The following ITGB3 variants were observed in gnomAD, a reference collection of about 807,000 sequenced individuals.
ITGB3 encodes integrin beta-3.
In ITGB3, 48 loss-of-function variants were observed where a neutral mutation model predicts 85.8. That is an observed-to-expected ratio of 0.56 (90% confidence interval 0.44 to 0.71). The LOEUF (loss-of-function observed/expected upper bound fraction) is 0.71. Ranked by LOEUF, ITGB3 falls within the 30% of genes least tolerant of loss-of-function variation. The pLI is 0.00. For synonymous variants in ITGB3, 363 were observed against 395.6 expected (o/e 0.92, Z 0.98); for missense variants, 861 against 1,019.1 (o/e 0.84, Z 2.11).
At chr17:47,301,995 G>T (rs1335140912) in intron 12 of ITGB3, among the ~76,000 whole-genome samples, 2 of 152,106 alleles carry the variant, frequency 1.3e-5, no homozygotes, top group Admixed American at 1.3e-4. Context: ...TCACTCATTT[G>T]CTGTGTGACC....
intron 9 of ITGB3, chr17:47,291,497 C>T (rs2143110543): frequency 2.8e-6 from 1 of 354,128 alleles, no homozygotes; most frequent in Non-Finnish European, 5.1e-6. Flanking sequence ...ACTCCAGTCT[C>T]TCCACGACTT....
chr17:47,255,620 C>T (rs771704658), intron 1 of ITGB3, among the ~76,000 whole-genome samples: 1 of 151,924 alleles, frequency 6.6e-6, no homozygotes, highest in African/African-American at 2.4e-5. Context: ...CGGGATTTCC[C>T]CATGTTGGCC....
At chr17:47,256,482 C>G (rs1038319242) in intron 1 of ITGB3, among the ~76,000 whole-genome samples, 14 of 151,706 alleles carry the variant, frequency 9.2e-5, no homozygotes, top group East Asian at 3.9e-4. Flanking sequence ...TACCCCCCCC[C>G]CCAACCTCAC....
intron 13 of ITGB3, chr17:47,305,569 C>T (rs899423531): frequency 6.6e-6 from 1 of 152,168 alleles, no homozygotes; most frequent in Admixed American, 6.5e-5. Context: ...TCAGCCTGAC[C>T]CCCAGAGGGG....
At chr17:47,284,843 A>G in intron 4 of ITGB3, 148 bp downstream of exon 4, 1 of 1,098,096 alleles carries the variant, frequency 9.1e-7, no homozygotes, top group Non-Finnish European at 1.3e-6. Context: ...CTGTTTGGCA[A>G]ATGGGCTAGC....
Position 47,263,894 on chromosome 17 carries a change from A to G in ITGB3, c.79+9954A>G, listed in dbSNP as rs1303530320. Among the ~76,000 whole-genome samples the G allele has an allele frequency of 2.0e-5, 3 of 152,222 alleles. No individual in the cohort carries two copies. The East Asian group carries it at 5.8e-4, about 29-fold the overall frequency. Reference sequence around the variant, plus strand: ...AGGGAATCCCCTTGCTCAGACAAAAATCCTTCCTGTTTTTCCCTTGTGAAC... The same window carrying G: ...AGGGAATCCCCTTGCTCAGACAAAAGTCCTTCCTGTTTTTCCCTTGTGAAC... On this transcript the variant is annotated intron_variant, in intron 1 of 14. Transcript: ENST00000559488.
intron 13 of ITGB3, among the ~76,000 whole-genome samples, chr17:47,303,287 C>G (rs373357642): frequency 2.0e-4 from 31 of 151,256 alleles, no homozygotes; most frequent in African/African-American, 7.0e-4. Context: ...CAAAAAAAAA[C>G]GATAAGTTAG....
intron 1 of ITGB3, among the ~76,000 whole-genome samples, chr17:47,260,753 C>A (rs548492950): frequency 5.9e-5 from 9 of 151,750 alleles, no homozygotes; most frequent in African/African-American, 2.2e-4. Context: ...CTGCCCTGGG[C>A]AGTTCTTGAA....
At chr17:47,280,016 T>C (rs1408399670) in intron 2 of ITGB3, 2 of 152,246 alleles carry the variant, frequency 1.3e-5, no homozygotes, top group Admixed American at 1.3e-4. Flanking sequence ...CAGCCAGAGC[T>C]GGGTGCACGG....
intron 1 of ITGB3, among the ~76,000 whole-genome samples, chr17:47,256,006 A>C (rs1374249067): frequency 6.6e-6 from 1 of 150,414 alleles, no homozygotes; most frequent in Non-Finnish European, 1.5e-5. Flanking sequence ...TACATAATTA[A>C]AAAAAGGGTA....
Position 47,299,658 on chromosome 17 carries a change from A to G in ITGB3, c.1913+128A>G, listed in dbSNP as rs542904923. ...TTAGGGAGAGGAGTCCACTCCAGCC[A>G]GATGGCTGTCTCTCCTTTTGCCAAA... On this transcript the variant is annotated intron_variant, in intron 11 of 14. Transcript: ENST00000559488. This position sits in a 1 kb window ranked among gnomAD's most constrained non-coding sequence, Gnocchi z 5.1. The G allele has an allele frequency of 6.0e-5, 54 of 892,874 alleles. No individual in the cohort carries two copies. In the African/African-American group the frequency reaches 8.6e-4, roughly 14 times the overall value. 55.3% of individuals were successfully genotyped at this position (892,874 alleles called of 1,614,324 possible). A position where few individuals can be genotyped will look rare whatever the true frequency, so the allele number is the denominator to read the frequency against.
intron 14 of ITGB3, among the ~76,000 whole-genome samples, chr17:47,308,468 G>A (rs1486620447): frequency 6.6e-6 from 1 of 152,050 alleles, no homozygotes; most frequent in Non-Finnish European, 1.5e-5. Context: ...TTAGAACAGT[G>A]TGGAACATCC....
At chr17:47,270,995 A>G (rs1388247537) in intron 1 of ITGB3, among the ~76,000 whole-genome samples, 1 of 152,176 alleles carries the variant, frequency 6.6e-6, no homozygotes, top group Non-Finnish European at 1.5e-5. Context: ...CTATTCCCCT[A>G]CCTTTCATTT....
chr17:47,288,204 GA>G (rs1491190539), intron 6 of ITGB3, among the ~76,000 whole-genome samples: 3 of 125,956 alleles, frequency 2.4e-5, no homozygotes, highest in Non-Finnish European at 3.4e-5. Flanking sequence ...CCTTCTCTTA[GA>G]AAGAGAGAGA....
At chr17:47,281,879 A>G (rs2065084952) in intron 2 of ITGB3, among the ~76,000 whole-genome samples, 2 of 152,244 alleles carry the variant, frequency 1.3e-5, no homozygotes, top group South Asian at 2.1e-4. Flanking sequence ...GGGAGGTACC[A>G]TAATTACTAT....
chr17:47,293,388 GC>G (rs1193878612), intron 10 of ITGB3, among the ~76,000 whole-genome samples: 1 of 152,078 alleles, frequency 6.6e-6, no homozygotes, highest in Non-Finnish European at 1.5e-5. Flanking sequence ...GTCTTTATCC[GC>G]AGACATGTTG....
chr17:47,292,435 C>A lies in ITGB3; in HGVS notation c.1557C>A (p.Pro519=), dbSNP rs371103774. The A allele has an allele frequency of 2.5e-5, 40 of 1,609,518 alleles. No homozygotes were observed. In the Admixed American group the frequency reaches 3.3e-4, roughly 13 times the overall value. The change falls in exon 10 of 15, where the codon CCC becomes CCA. Residue 519 remains proline, a synonymous_variant. Transcript: ENST00000559488. ...AATGCAGCCCCCGGGAGGGTCAGCC[C>A]GTCTGCAGCCAGCGGGGCGAGTGCC... is the stretch of plus-strand genomic sequence containing the variant. The part of the protein sequence containing the change: ...QDECSPREGQ[P]VCSQRGECLC...
At position 47,253,918 on chromosome 17, in the gene ITGB3, G is replaced by A; in HGVS notation, c.57G>A (p.Ala19=). 7.1e-7 allele frequency: 1 copy of A among 1,412,906 alleles called. No homozygotes were observed. The highest frequency in any genetic ancestry group is 9.3e-7 in the Non-Finnish European group (1 of 1,077,524). The allele number at this position is 1,412,906 out of a possible 1,614,324, so 87.5% of individuals were successfully genotyped here. Residue 19 remains alanine, a synonymous_variant, in exon 1 of 15, where the codon GCG becomes GCA. Coordinates refer to ENST00000559488, the MANE Select transcript of ITGB3 (RefSeq NM_000212.3). ...PLWATVLALG[A]LAGVGVGGPN... Reference sequence around the variant, plus strand: ...GGGCGACTGTGCTGGCGCTGGGGGCGCTGGCGGGCGTTGGCGTAGGAGGTG... The same window carrying A: ...GGGCGACTGTGCTGGCGCTGGGGGCACTGGCGGGCGTTGGCGTAGGAGGTG...
At chr17:47,263,203 A>AT (rs1308247751) in intron 1 of ITGB3, among the ~76,000 whole-genome samples, 1 of 152,058 alleles carries the variant, frequency 6.6e-6, no homozygotes, top group Non-Finnish European at 1.5e-5. Flanking sequence ...GCCTTACCAC[A>AT]TTTCTCAGGA....
Sources: gnomAD v4.1 joint callset for allele counts (sites outside exome capture counted in the v4.1 genomes callset) on GRCh38, gnomAD v4.1.1 for gene constraint, Gnocchi (gnomAD v3.1) non-coding constraint, MANE v1.5 for transcripts, NCBI Gene and HGNC (gene_info 2026-07-23, HGNC 2026-07-21) for gene names.